Variants in CENPQ observed in about 807,000 individuals in gnomAD.
The protein encoded by CENPQ is centromere protein Q.
CENPQ carries 27 observed loss-of-function variants against 36.6 expected under a neutral mutation model. The observed-to-expected ratio is 0.74, with a 90% CI of 0.54 to 1.02. CENPQ has a LOEUF of 1.02. Ranked by LOEUF, CENPQ falls within the 50% of genes least tolerant of loss-of-function variation. The pLI, the probability that CENPQ is intolerant of heterozygous loss-of-function variation, is 0.00. For missense variants in CENPQ, 306 were observed against 301.8 expected (o/e 1.01, Z -0.10); for synonymous variants, 101 against 101.7 (o/e 0.99, Z 0.04).
intron 5 of CENPQ, among the ~76,000 whole-genome samples, chr6:49,474,643 C>G (rs1335461635): frequency 1.3e-5 from 2 of 151,898 alleles, no homozygotes; most frequent in Non-Finnish European, 2.9e-5. Context: ...TAGCAGAAGG[C>G]AAGAAATAAC....
chr6:49,479,341 A>G (rs900506200), intron 5 of CENPQ, among the ~76,000 whole-genome samples: 1 of 152,228 alleles, frequency 6.6e-6, no homozygotes, highest in Non-Finnish European at 1.5e-5. Flanking sequence ...GACACTTTTC[A>G]AAAGAAAACA....
chr6:49,475,597 T>G (rs1024080110), intron 5 of CENPQ, among the ~76,000 whole-genome samples: 7 of 152,062 alleles, frequency 4.6e-5, no homozygotes, highest in South Asian at 2.1e-4. Flanking sequence ...GAGAAAGAAA[T>G]AAAGGGTATT....
intron 6 of CENPQ, among the ~76,000 whole-genome samples, chr6:49,482,263 G>T (rs1768453078): frequency 6.6e-6 from 1 of 152,198 alleles, no homozygotes; most frequent in Admixed American, 6.5e-5. Context: ...CCCAGAAAGG[G>T]GCTCCCACAG....
At chr6:49,475,507 C>G (rs1056632771) in intron 5 of CENPQ, among the ~76,000 whole-genome samples, 4 of 152,274 alleles carry the variant, frequency 2.6e-5, no homozygotes, top group African/African-American at 9.6e-5. Context: ...CCTTTGAAAA[C>G]TGGCACAAGA....
intron 5 of CENPQ, among the ~76,000 whole-genome samples, chr6:49,477,944 A>G (rs2127425705): frequency 6.6e-6 from 1 of 152,348 alleles, no homozygotes; most frequent in Middle Eastern, 3.4e-3. Flanking sequence ...GAATGTGACT[A>G]TTACATAATA....
intron 1 of CENPQ, among the ~76,000 whole-genome samples, chr6:49,469,364 A>G (rs2127423390): frequency 6.6e-6 from 1 of 152,358 alleles, no homozygotes; most frequent in Non-Finnish European, 1.5e-5. Flanking sequence ...TATAGCTAAT[A>G]TGTGCATATA....
intron 1 of CENPQ, among the ~76,000 whole-genome samples, chr6:49,466,071 A>T (rs1767992055): frequency 6.6e-6 from 1 of 152,144 alleles, no homozygotes; most frequent in East Asian, 1.9e-4. Context: ...AGGGTTATTA[A>T]ATGGCCTAAT....
At chr6:49,483,476 C>T (rs371270349) in intron 6 of CENPQ, among the ~76,000 whole-genome samples, 32 of 152,236 alleles carry the variant, frequency 2.1e-4, no homozygotes, top group African/African-American at 6.5e-4. Flanking sequence ...CAGGGGGCGG[C>T]GCTCATGGGG....
chr6:49,487,303 A>G (rs1768609735), intron 6 of CENPQ, among the ~76,000 whole-genome samples: 1 of 151,580 alleles, frequency 6.6e-6, no homozygotes, highest in South Asian at 2.1e-4. Flanking sequence ...TTTAGCCTTT[A>G]TGGACCACAT....
chr6:49,473,213 T>G (rs1157851789), intron 5 of CENPQ, among the ~76,000 whole-genome samples: 3 of 152,322 alleles, frequency 2.0e-5, no homozygotes, highest in African/African-American at 7.2e-5. Context: ...ATTTACCCTA[T>G]TGCTGTGTTT....
At chr6:49,475,580 C>G (rs1485072222) in intron 5 of CENPQ, among the ~76,000 whole-genome samples, 1 of 152,138 alleles carries the variant, frequency 6.6e-6, no homozygotes, top group Non-Finnish European at 1.5e-5. Context: ...CCAGGGCAAT[C>G]AGGCAGGAGA....
At chr6:49,473,018 C>T (rs1768182361) in intron 5 of CENPQ, among the ~76,000 whole-genome samples, 160 bp downstream of exon 5, 1 of 151,036 alleles carries the variant, frequency 6.6e-6, no homozygotes, top group Non-Finnish European at 1.5e-5. Context: ...TAAACTGCTG[C>T]TCCACATGTT....
At chr6:49,477,577 A>G (rs908338269) in intron 5 of CENPQ, among the ~76,000 whole-genome samples, 3 of 152,084 alleles carry the variant, frequency 2.0e-5, no homozygotes, top group African/African-American at 4.8e-5. Flanking sequence ...AAAAAAAAAA[A>G]AAAGAAAATG....
intron 5 of CENPQ, among the ~76,000 whole-genome samples, chr6:49,477,591 T>C (rs1043139856): frequency 3.3e-5 from 5 of 151,976 alleles, no homozygotes; most frequent in Non-Finnish European, 5.9e-5. Context: ...GAAAATGTTC[T>C]GTTTCTCAGT....
intron 3 of CENPQ, among the ~76,000 whole-genome samples, chr6:49,471,861 C>T (rs920389063): frequency 1.2e-4 from 18 of 152,146 alleles, no homozygotes; most frequent in African/African-American, 4.3e-4. Context: ...TTTCTGTTAA[C>T]TTATCAATAG....
intron 2 of CENPQ, among the ~76,000 whole-genome samples, chr6:49,470,622 CAA>C (rs1199878940): frequency 1.6e-3 from 103 of 66,372 alleles, no homozygotes; most frequent in South Asian, 8.2e-3. Flanking sequence ...GACTCCGTCT[CAA>C]AAAAAAAAAA....
Position 49,472,821 on chromosome 6 carries a change from G to T in CENPQ, c.310G>T (p.Glu104Ter). 2 of 1,457,680 alleles carry T rather than the reference G, an allele frequency of 1.4e-6. No homozygotes were observed. Among genetic ancestry groups the T allele is most frequent in the Non-Finnish European group, 1.9e-6 (2 of 1,072,786 alleles). The allele number at this position is 1,457,680 out of a possible 1,614,324, so 90.3% of individuals were successfully genotyped here. Residue 104 changes from glutamate to a stop codon, truncating the protein, a stop_gained, in exon 5 of 9, where the codon GAA (glutamate) becomes TAA (stop). Transcript: ENST00000335783. LOFTEE classifies it high-confidence loss of function. The part of the protein sequence containing the change: ...TILSNSIKEK[E>*]EIQYHLNFLK... ...TTTGAGTAACAGTATTAAAGAAAAA[G>T]AAGAAATACAATACCATCTCAACTT...
chr6:49,481,183 G>C (rs1268420354), intron 6 of CENPQ, 103 bp downstream of exon 6: 2 of 962,644 alleles, frequency 2.1e-6, no homozygotes, highest in African/African-American at 3.3e-5. Context: ...GTGAATACTA[G>C]ATCTTGAACC....
At position 49,472,171 on chromosome 6, in the gene CENPQ, A is replaced by T; in HGVS notation, c.266A>T (p.Glu89Val). 6.2e-7 allele frequency: 1 copy of T among 1,610,668 alleles called. No homozygotes were observed. Among genetic ancestry groups the T allele is most frequent in the Non-Finnish European group, 8.5e-7 (1 of 1,178,598 alleles). The change falls in exon 4 of 9, where the codon GAA becomes GTA. Residue 89 changes from glutamate (E) to valine (V), a missense_variant. Glu to Val is a moderately radical substitution (Grantham distance 121). Coordinates refer to ENST00000335783, the MANE Select transcript of CENPQ (RefSeq NM_018132.4). ...AGAGACCATTTGCAAACTATGATGG[A>T]ATCAGTAATAATGTGAGTATAAAAT... ...STRDHLQTMM[E>V]SVIMTILSNS... is the part of the protein sequence containing the mutation.
Sources: gnomAD v4.1 joint callset for allele counts (sites outside exome capture counted in the v4.1 genomes callset) on GRCh38, gnomAD v4.1.1 for gene constraint, MANE v1.5 for transcripts, NCBI Gene and HGNC (gene_info 2026-07-23, HGNC 2026-07-21) for gene names.